The following C9 variants were observed in gnomAD, a reference collection of about 807,000 sequenced individuals.
C9 encodes the protein complement C9, also known as complement component C9.
C9 carries 63 observed loss-of-function variants against 65.4 expected under a neutral mutation model. That is an observed-to-expected ratio of 0.96 (90% CI 0.79 to 1.19). C9 has a LOEUF of 1.19. C9 is among the 50% of genes most tolerant of loss of function. The pLI, the probability that C9 is intolerant of heterozygous loss-of-function variation, is 0.00. For missense variants in C9, 744 were observed against 670.1 expected (o/e 1.11, Z -1.22); for synonymous variants, 229 against 227.9 (o/e 1.00, Z -0.04).
At chr5:39,333,019 G>A (rs1753873491) in intron 4 of C9, among the ~76,000 whole-genome samples, 1 of 151,994 alleles carries the variant, frequency 6.6e-6, no homozygotes. Flanking sequence ...AGATAAAATT[G>A]ACCACCTCCC....
At chr5:39,362,036 G>C (rs1211457490) in intron 1 of C9, among the ~76,000 whole-genome samples, 4 of 152,158 alleles carry the variant, frequency 2.6e-5, no homozygotes, top group African/African-American at 7.2e-5. Flanking sequence ...GCCAGGCACA[G>C]ATGTCATAAG....
chr5:39,313,285 T>C (rs1247538572), intron 6 of C9, among the ~76,000 whole-genome samples: 1 of 152,150 alleles, frequency 6.6e-6, no homozygotes, highest in Admixed American at 6.5e-5. Context: ...AAATCTAAAT[T>C]ATTCATGCTT....
Position 39,311,335 on chromosome 5 carries a change from T to C in C9, c.913A>G (p.Arg305Gly), listed in dbSNP as rs1196689152. The C allele has an allele frequency of 6.2e-7, 1 of 1,612,836 alleles. No individual in the cohort carries two copies. Among genetic ancestry groups the C allele is most frequent in the Admixed American group, 1.7e-5 (1 of 59,986 alleles). ...ACATCGCGATTTCTCATTACAAATC[T>C]TCCCAGATGAATTTCTCCTTTCACA... ...LHVKGEIHLG[R>G]FVMRNRDVVL... The change falls in exon 7 of 11, where the codon AGA (arginine) becomes GGA (glycine). Residue 305 changes from arginine (R) to glycine (G), a missense_variant. Transcript: ENST00000263408.
intron 5 of C9, among the ~76,000 whole-genome samples, chr5:39,319,807 C>T (rs1753635017): frequency 1.3e-5 from 2 of 152,050 alleles, no homozygotes; most frequent in South Asian, 2.1e-4. Context: ...CCCACTGGAC[C>T]CAGGATCCAG....
chr5:39,304,366 C>G (rs1425812792), intron 9 of C9, among the ~76,000 whole-genome samples: 3 of 151,970 alleles, frequency 2.0e-5, no homozygotes, highest in African/African-American at 7.3e-5. Flanking sequence ...AAAGACTATC[C>G]CCTATGTTTG....
At chr5:39,289,989 C>G (rs947907484) in intron 9 of C9, among the ~76,000 whole-genome samples, 1 of 151,880 alleles carries the variant, frequency 6.6e-6, no homozygotes, top group East Asian at 1.9e-4. Context: ...ATTTGGCACA[C>G]TCAAATTCCT....
At chr5:39,313,624 C>A (rs700202) in intron 6 of C9, among the ~76,000 whole-genome samples, 2,650 of 152,212 alleles carry the variant, frequency 0.017, 90 homozygotes, top group African/African-American at 0.061. Context: ...TTCCATAGAC[C>A]ACACTCTAAG....
intron 1 of C9, among the ~76,000 whole-genome samples, chr5:39,361,947 A>G (rs1467360407): frequency 6.6e-6 from 1 of 152,232 alleles, no homozygotes; most frequent in Non-Finnish European, 1.5e-5. Flanking sequence ...CGTCCTAAAC[A>G]AGAAAGATAG....
At chr5:39,364,190 A>C (rs1579889245) in intron 1 of C9, among the ~76,000 whole-genome samples, 198 bp downstream of exon 1, 1 of 152,216 alleles carries the variant, frequency 6.6e-6, no homozygotes, top group South Asian at 2.1e-4. Context: ...AAATCCCCAG[A>C]AACAGCAGCA....
intron 1 of C9, among the ~76,000 whole-genome samples, chr5:39,362,955 T>C (rs563391108): frequency 2.0e-5 from 3 of 152,188 alleles, no homozygotes; most frequent in South Asian, 2.1e-4. Context: ...TAATGGGGCT[T>C]TCCGGTCCTC....
In C9 at chr5:39,345,888, A is replaced by G. The variant is rs138132944; in HGVS notation, c.78-3692T>C. On this transcript the variant is annotated intron_variant, in intron 1 of 10. Transcript: ENST00000263408. The stretch of plus-strand genomic sequence containing the variant: ...AGCTCATTCAAAACCACTCAACTAC[A>G]TGGAAACTGAACAACCTGCTTCTGA... Among the ~76,000 whole-genome samples, 100 of 152,330 alleles carry G rather than the reference A, an allele frequency of 6.6e-4. 1 individual carries two copies. The East Asian group carries it at 0.015, about 22-fold the overall frequency.
intron 1 of C9, among the ~76,000 whole-genome samples, chr5:39,345,318 A>G (rs998663307): frequency 6.6e-6 from 1 of 152,196 alleles, no homozygotes; most frequent in Non-Finnish European, 1.5e-5. Context: ...AAGTAAAGGG[A>G]TGGAGGAAGA....
Position 39,284,858 on chromosome 5 carries a change from C to A in C9, c.*341G>T, listed in dbSNP as rs73749490. 1 of 318,590 alleles carries A rather than the reference C, an allele frequency of 3.1e-6. No individual in the cohort carries two copies. The highest frequency in any genetic ancestry group is 5.9e-6 in the Non-Finnish European group (1 of 170,428). The allele number at this position is 318,590 out of a possible 1,614,324, so 19.7% of individuals were successfully genotyped here. ...GCAGAATATGTTAACCATACAAAGC[C>A]GTTTGAAAATTACTTTGAAGTTTTT... On this transcript the variant is annotated 3_prime_UTR_variant, in exon 11 of 11. Transcript: ENST00000263408.
At chr5:39,314,276 C>A (rs1051856650) in intron 6 of C9, among the ~76,000 whole-genome samples, 1 of 151,816 alleles carries the variant, frequency 6.6e-6, no homozygotes, top group Non-Finnish European at 1.5e-5. Context: ...ATGGAGAAAC[C>A]CCATTTCTAC....
chr5:39,321,293 T>C (rs373706154), intron 5 of C9, among the ~76,000 whole-genome samples: 2 of 152,040 alleles, frequency 1.3e-5, no homozygotes, highest in East Asian at 3.9e-4. Flanking sequence ...GGAGGAAAAG[T>C]GTAGAAGTTT....
At chr5:39,302,731 C>A (rs1276216066) in intron 9 of C9, among the ~76,000 whole-genome samples, 1 of 152,008 alleles carries the variant, frequency 6.6e-6, no homozygotes, top group African/African-American at 2.4e-5. Flanking sequence ...GCAAAAGCAA[C>A]AAAAATGAAC....
At chr5:39,349,166 T>C (rs1381865662) in intron 1 of C9, among the ~76,000 whole-genome samples, 5 of 145,262 alleles carry the variant, frequency 3.4e-5, no homozygotes, top group African/African-American at 5.0e-5. Flanking sequence ...GAACTTAAAG[T>C]ATAATAAACA....
chr5:39,309,138 T>A (rs967342952), intron 7 of C9, among the ~76,000 whole-genome samples: 1 of 151,934 alleles, frequency 6.6e-6, no homozygotes, highest in African/African-American at 2.4e-5. Context: ...TCAAAGTCTA[T>A]CAGTTATTAT....
intron 1 of C9, among the ~76,000 whole-genome samples, chr5:39,343,743 T>C (rs969271689): frequency 2.0e-5 from 3 of 152,094 alleles, no homozygotes; most frequent in African/African-American, 7.2e-5. Context: ...GGGACCCTGA[T>C]CCCCAAGTAG....
Sources: allele counts gnomAD v4.1 joint callset (sites outside exome capture counted in the v4.1 genomes callset), GRCh38; gene constraint gnomAD v4.1.1; transcripts MANE v1.5; gene names NCBI Gene and HGNC (gene_info 2026-07-23, HGNC 2026-07-21).